BDNF: variants seen among roughly 807,000 people sequenced by gnomAD.
BDNF encodes the protein brain derived neurotrophic factor.
BDNF carries 1 observed loss-of-function variant against 19.5 expected under a neutral mutation model. The observed-to-expected ratio is 0.05, with a 90% CI of 0.02 to 0.24. BDNF has a LOEUF of 0.24. Ranked by LOEUF, BDNF falls within the 10% of genes least tolerant of loss-of-function variation. The pLI is 1.00. For synonymous variants in BDNF, 100 were observed against 121.6 expected, an observed-to-expected ratio of 0.82 and a Z score of 1.17; for missense variants, 195 against 317.6, an observed-to-expected ratio of 0.61 and a Z score of 2.93.
intron 1 of BDNF, among the ~76,000 whole-genome samples, chr11:27,693,146 C>A (rs975080608): frequency 2.6e-5 from 4 of 152,108 alleles, no homozygotes; most frequent in Non-Finnish European, 5.9e-5. Context: ...ATTTCATTTC[C>A]TTGAACTGAT....
intron 1 of BDNF, among the ~76,000 whole-genome samples, chr11:27,709,798 T>C (rs1332148230): frequency 6.6e-6 from 1 of 152,238 alleles, no homozygotes; most frequent in African/African-American, 2.4e-5. Context: ...ATGAGGTCAG[T>C]GGGCTACAAA....
chr11:27,665,055 G>A (rs1441614969), intron 1 of BDNF, among the ~76,000 whole-genome samples: 2 of 152,184 alleles, frequency 1.3e-5, no homozygotes, highest in East Asian at 3.8e-4. Context: ...AATGGCAGTT[G>A]ACATTCCCTG....
chr11:27,669,795 G>A (rs1855027991), intron 1 of BDNF, among the ~76,000 whole-genome samples: 2 of 152,196 alleles, frequency 1.3e-5, no homozygotes, highest in Non-Finnish European at 2.9e-5. Flanking sequence ...ATTCTCATGG[G>A]TAGGAAGAAT....
In BDNF at chr11:27,716,119, C is replaced by T. The variant is rs146353076; in HGVS notation, c.3+5293G>A. ...TAAGGGTATTAATCTTTATGAAACA[C>T]GTGTATCTTTCTCAAAAGACACTTG... On this transcript the variant is annotated intron_variant, in intron 1 of 1. Transcript: ENST00000314915. Among the ~76,000 whole-genome samples the T allele has an allele frequency of 5.3e-5, 8 of 152,242 alleles. No homozygotes were observed. The East Asian group carries it at 1.4e-3, about 26-fold the overall frequency.
chr11:27,679,324 C>T lies in BDNF; in HGVS notation c.-21-20739G>A, dbSNP rs1012767698. Among the ~76,000 whole-genome samples, 5 of 152,044 alleles carry T rather than the reference C, an allele frequency of 3.3e-5. No individual in the cohort carries two copies. In the East Asian group the frequency reaches 7.7e-4, roughly 23 times the overall value. The stretch of plus-strand genomic sequence containing the variant: ...CTTACTATCCTATGTTATCTCAAGC[C>T]GAGGCCTCCTCTTACACAAGAGGCT... On this transcript the variant is annotated intron_variant, in intron 1 of 1. Transcript: ENST00000356660.
chr11:27,659,074 TA>T (rs1852970135), intron 1 of BDNF: 15 of 1,024,900 alleles, frequency 1.5e-5, no homozygotes, highest in South Asian at 4.1e-5. Context: ...TGGGCCTTTC[TA>T]GCTATGTGAT....
intron 1 of BDNF, chr11:27,665,479 CCAGGAA>C: frequency 6.6e-6 from 1 of 152,340 alleles, no homozygotes; most frequent in Non-Finnish European, 1.5e-5. Context: ...ATCACCTCAC[CCAGGAA>C]GCACAAGGGG....
chr11:27,717,351 T>C (rs143171457), intron 1 of BDNF, among the ~76,000 whole-genome samples: 4 of 152,312 alleles, frequency 2.6e-5, no homozygotes, highest in Admixed American at 1.3e-4. Flanking sequence ...GAAAATGATA[T>C]GTGCAAAGAG....
At chr11:27,701,433 G>A, upstream of BDNF, 1 of 1,039,596 alleles carries the variant, frequency 9.6e-7, no homozygotes, top group Non-Finnish European at 1.2e-6. Context: ...GCGAGTCTTT[G>A]GTGCCCGGTA....
chr11:27,684,686 A>C (rs796475238), intron 1 of BDNF, among the ~76,000 whole-genome samples: 1 of 152,120 alleles, frequency 6.6e-6, no homozygotes, highest in South Asian at 2.1e-4. Flanking sequence ...GGTTCTCTTT[A>C]TGTGATGGAT....
intron 1 of BDNF, among the ~76,000 whole-genome samples, chr11:27,679,647 G>A (rs2133950414): frequency 1.3e-5 from 2 of 152,304 alleles, no homozygotes; most frequent in Middle Eastern, 6.8e-3. Context: ...AAGTGCTTCA[G>A]TATTACCCCA....
chr11:27,698,261 TAAGC>T (rs1050332083), intron 1 of BDNF: 4 of 102,548 alleles, frequency 3.9e-5, no homozygotes, highest in Admixed American at 1.0e-4. Flanking sequence ...AAAAAAGTCT[TAAGC>T]AAGGCATTTG....
chr11:27,658,070 T>G lies in BDNF; in HGVS notation c.495A>C (p.Thr165=), dbSNP rs761108714. Residue 165 remains threonine (T), a synonymous_variant, in exon 2 of 2, where the codon ACA becomes ACC. Coordinates refer to ENST00000356660, the MANE Select transcript of BDNF (RefSeq NM_001709.5). The surrounding 1 kb of genome is among the most constrained non-coding windows in gnomAD (Gnocchi z 5.7). The part of the protein sequence containing the change: ...TAVDMSGGTV[T]VLEKVPVSKG... ...TTGATACAGGGACCTTTTCAAGGAC[T>G]GTGACCGTCCCGCCCGACATGTCCA... 6.2e-7 allele frequency: 1 copy of G among 1,614,076 alleles called. No homozygotes were observed. Among genetic ancestry groups the G allele is most frequent in the Non-Finnish European group, 8.5e-7 (1 of 1,180,046 alleles).
At chr11:27,700,570 C>T (rs1046932559), upstream of BDNF, 4 of 953,200 alleles carry the variant, frequency 4.2e-6, no homozygotes, top group East Asian at 1.3e-4. Context: ...CCCGCGCTAC[C>T]GATACCCGTT....
intron 1 of BDNF, among the ~76,000 whole-genome samples, chr11:27,678,750 C>T (rs536090304): frequency 6.6e-6 from 1 of 152,102 alleles, no homozygotes; most frequent in East Asian, 1.9e-4. Flanking sequence ...CCTAGAGGAC[C>T]TTTTACCCCC....
At chr11:27,667,037 C>A (rs1373549187) in intron 1 of BDNF, among the ~76,000 whole-genome samples, 1 of 152,144 alleles carries the variant, frequency 6.6e-6, no homozygotes, top group Non-Finnish European at 1.5e-5. Context: ...AGGTTACCCA[C>A]AAAGGGAAGT....
At chr11:27,659,020 T>C (rs1347442966) in intron 1 of BDNF, 1 of 1,079,826 alleles carries the variant, frequency 9.3e-7, no homozygotes, top group Non-Finnish European at 1.1e-6. Context: ...CATGGTCCTT[T>C]GCAGGAATGT....
chr11:27,707,223 G>C (rs184779512), intron 1 of BDNF, among the ~76,000 whole-genome samples: 2 of 152,290 alleles, frequency 1.3e-5, no homozygotes, highest in East Asian at 3.9e-4. Context: ...TTCAGTAAAA[G>C]AGAATTATGC....
At chr11:27,696,716 A>G (rs1361447692) in intron 1 of BDNF, among the ~76,000 whole-genome samples, 1 of 152,214 alleles carries the variant, frequency 6.6e-6, no homozygotes, top group African/African-American at 2.4e-5. Flanking sequence ...CAAGTTAGCA[A>G]TTACCCTATA....
Sources: allele counts gnomAD v4.1 joint callset (sites outside exome capture counted in the v4.1 genomes callset), GRCh38; gene constraint gnomAD v4.1.1; non-coding constraint Gnocchi (gnomAD v3.1); transcripts MANE v1.5; gene names NCBI Gene and HGNC (gene_info 2026-07-23, HGNC 2026-07-21).